DELE1: variants seen among roughly 807,000 people sequenced by gnomAD.
DELE1 encodes DAP3 binding cell death enhancer 1.
A neutral mutation model predicts 59.3 loss-of-function variants in DELE1; 54 were observed. That is an observed-to-expected ratio of 0.91 (90% CI 0.73 to 1.14). The LOEUF (loss-of-function observed/expected upper bound fraction) is 1.14. DELE1 is among the 50% of genes most tolerant of loss of function. The probability of loss-of-function intolerance (pLI) is 0.00; values close to 1 mark genes in which losing one functional copy is unlikely to be tolerated. For missense variants in DELE1, 636 were observed against 643.9 expected (o/e 0.99, Z 0.13); for synonymous variants, 264 against 259.1 (o/e 1.02, Z -0.18).
chr5:141,941,085 A>G lies in DELE1; in HGVS notation c.*2326A>G, dbSNP rs1386664526. On this transcript the variant is annotated 3_prime_UTR_variant, in exon 12 of 12. Coordinates refer to ENST00000432126, the MANE Select transcript of DELE1 (RefSeq NM_014773.5). ...GCCTTCCTGGGGCACCCTCTGCGTG[A>G]AATGTCACCGTGTGCCCTCCCTGTG... is the stretch of plus-strand genomic sequence containing the variant. 64 of 985,294 alleles carry G rather than the reference A, an allele frequency of 6.5e-5. No individual in the cohort carries two copies. The highest frequency in any genetic ancestry group is 7.3e-5 in the Non-Finnish European group (61 of 829,946). The allele number at this position is 985,294 out of a possible 1,614,324, so 61.0% of individuals were successfully genotyped here.
At position 141,929,973 on chromosome 5, in the gene DELE1, G is replaced by A. The variant is rs369742160; in HGVS notation, c.572-16G>A. 19 of 1,612,566 alleles carry A rather than the reference G, an allele frequency of 1.2e-5. No homozygotes were observed. In the South Asian group the frequency reaches 1.5e-4, roughly 13 times the overall value. On this transcript the variant is annotated splice_polypyrimidine_tract_variant and intron_variant, in intron 5 of 11. Transcript: ENST00000432126. Reference sequence around the variant, plus strand: ...TTCTCCTTTGCCCTGGCCGGGTGTCGGCCTTTCCCTTGCAGGTCCCGGTGA... The same window carrying A: ...TTCTCCTTTGCCCTGGCCGGGTGTCAGCCTTTCCCTTGCAGGTCCCGGTGA...
At chr5:141,932,318 T>C (rs1380208515) in intron 7 of DELE1, among the ~76,000 whole-genome samples, 1 of 152,236 alleles carries the variant, frequency 6.6e-6, no homozygotes, top group Non-Finnish European at 1.5e-5. Flanking sequence ...TGGATGTGCC[T>C]GCATTCAGGT....
chr5:141,930,850 G>A (rs764193332), intron 7 of DELE1, among the ~76,000 whole-genome samples: 46 of 152,108 alleles, frequency 3.0e-4, no homozygotes, highest in Non-Finnish European at 5.9e-4. Flanking sequence ...CTAATGCGGA[G>A]ACTCAGACTC....
Position 141,928,146 on chromosome 5 carries a change from C to T in DELE1, c.265-5C>T, listed in dbSNP as rs1302365835. The T allele has an allele frequency of 1.2e-6, 2 of 1,612,484 alleles. No individual in the cohort carries two copies. The highest frequency in any genetic ancestry group is 1.7e-6 in the Non-Finnish European group (2 of 1,179,092). On this transcript the variant is annotated splice_region_variant and splice_polypyrimidine_tract_variant and intron_variant, in intron 3 of 11. Coordinates refer to ENST00000432126, the MANE Select transcript of DELE1 (RefSeq NM_014773.5). ...ACCGTGTCCTTAACGTGCTGTCTTTCCCAGGGCACTCTGGCCGTGCTGGCC... is the reference window on the plus strand; with the variant it reads ...ACCGTGTCCTTAACGTGCTGTCTTTTCCAGGGCACTCTGGCCGTGCTGGCC...
rs186998921 is a variant in DELE1, at chr5:141,934,415, G to T, written c.1056+17G>T. ...TTGAGAGAGGTGAGTGCCATTGGCA[G>T]GGTCTGTTCAAGGTCTCTGAGGCCT... is the stretch of plus-strand genomic sequence containing the variant. On this transcript the variant is annotated intron_variant, in intron 9 of 11. Transcript: ENST00000432126. The T allele has an allele frequency of 9.2e-5, 148 of 1,614,218 alleles. 1 individual carries two copies. In the East Asian group the frequency reaches 1.7e-3, roughly 18 times the overall value.
chr5:141,934,162 A>G (rs937200221), intron 8 of DELE1, 78 bp from the exon 9 acceptor site: 2 of 1,270,848 alleles, frequency 1.6e-6, no homozygotes, highest in African/African-American at 3.0e-5. Context: ...TAATTAAAAT[A>G]ATTTTTAAAA....
chr5:141,934,116 A>T, intron 8 of DELE1, 124 bp from the exon 9 acceptor site: 1 of 766,470 alleles, frequency 1.3e-6, no homozygotes, highest in Non-Finnish European at 1.9e-6. Context: ...AGCTTATCTG[A>T]ATTTTCTGAC....
In DELE1 at chr5:141,940,241, T is replaced by A; in HGVS notation, c.*1482T>A. 1.0e-6 allele frequency: 1 copy of A among 985,340 alleles called. No individual in the cohort carries two copies. Among genetic ancestry groups the A allele is most frequent in the Non-Finnish European group, 1.2e-6 (1 of 829,926 alleles). The allele number at this position is 985,340 out of a possible 1,614,324, so 61.0% of individuals were successfully genotyped here. Reference sequence around the variant, plus strand: ...AGGCTCCGTCCTCATCTCTAAACTCTCCACTAACCAATTTAAAGGATCTTA... The same window carrying A: ...AGGCTCCGTCCTCATCTCTAAACTCACCACTAACCAATTTAAAGGATCTTA... On this transcript the variant is annotated 3_prime_UTR_variant, in exon 12 of 12. Coordinates refer to ENST00000432126, the MANE Select transcript of DELE1 (RefSeq NM_014773.5).
At chr5:141,924,386 C>T (rs1160457194) in intron 1 of DELE1, among the ~76,000 whole-genome samples, 195 bp from the exon 2 acceptor site, 1 of 152,170 alleles carries the variant, frequency 6.6e-6, no homozygotes, top group Non-Finnish European at 1.5e-5. Flanking sequence ...CCAGCAGAAT[C>T]ACATGGGCGC....
At position 141,930,012 on chromosome 5, in the gene DELE1, C is replaced by A; in HGVS notation, c.595C>A (p.His199Asn). The change falls in exon 6 of 12, where the codon CAT becomes AAT. Residue 199 changes from histidine (H) to asparagine (N), a missense_variant. By Grantham distance (68) the His-to-Asn change is moderately conservative. Transcript: ENST00000432126. ...EEGPGDFGFL[H>N]ASSSIESEAK... ...AGGTCCCGGTGATTTTGGCTTCCTG[C>A]ATGCCAGTAGTAGCATCGAGTCCGA... is the stretch of plus-strand genomic sequence containing the variant. 6.2e-7 allele frequency: 1 copy of A among 1,614,178 alleles called. No homozygotes were observed. Among genetic ancestry groups the A allele is most frequent in the Non-Finnish European group, 8.5e-7 (1 of 1,180,032 alleles).
In DELE1 at chr5:141,939,159, T is replaced by C. The variant is rs1752593908; in HGVS notation, c.*400T>C. ...TGCCAATGTCTGATGTGTGTATCCCTGGTTCACAAGAAGATTTTAGATGGT... is the reference window on the plus strand; with the variant it reads ...TGCCAATGTCTGATGTGTGTATCCCCGGTTCACAAGAAGATTTTAGATGGT... On this transcript the variant is annotated 3_prime_UTR_variant, in exon 12 of 12. Transcript: ENST00000432126. 4.2e-6 allele frequency: 4 copies of C among 962,468 alleles called. No individual in the cohort carries two copies. The South Asian group carries it at 1.9e-4, about 46-fold the overall frequency. The allele number at this position is 962,468 out of a possible 1,614,324, so 59.6% of individuals were successfully genotyped here. A position where few individuals can be genotyped will look rare whatever the true frequency, so the allele number is the denominator to read the frequency against.
intron 4 of DELE1, among the ~76,000 whole-genome samples, chr5:141,928,899 G>A (rs1188113239): frequency 6.6e-6 from 1 of 152,054 alleles, no homozygotes; most frequent in Non-Finnish European, 1.5e-5. Flanking sequence ...CATAGTAAGT[G>A]TGTAGTAATT....
rs781626134 is a variant in DELE1, at chr5:141,924,619, A to C, written c.70A>C (p.Thr24Pro). The change falls in exon 2 of 12, where the codon ACT becomes CCT. Residue 24 changes from threonine to proline, a missense_variant. By Grantham distance (38) the Thr-to-Pro change is conservative. Transcript: ENST00000432126. ...RTLGPSLWRVTPKSTSPDGPQ... is the reference protein window; with the variant it reads ...RTLGPSLWRVPPKSTSPDGPQ... ...ACTGGGACCTAGCCTCTGGAGGGTG[A>C]CTCCTAAGTCCACCAGCCCAGATGG... The C allele has an allele frequency of 6.2e-6, 10 of 1,613,338 alleles. No individual in the cohort carries two copies. Among genetic ancestry groups the C allele is most frequent in the Non-Finnish European group, 6.8e-6 (8 of 1,179,764 alleles).
rs976785245 is a variant in DELE1, at chr5:141,938,841, A to G, written c.*82A>G. ...GGATAACAAAAATAGAGCATCAGCA[A>G]CCCTTTCCAGGTAGAAATTCCAGCG... is the stretch of plus-strand genomic sequence containing the variant. On this transcript the variant is annotated 3_prime_UTR_variant, in exon 12 of 12. Transcript: ENST00000432126. 8.6e-6 allele frequency: 13 copies of G among 1,505,552 alleles called. No homozygotes were observed. Among genetic ancestry groups the G allele is most frequent in the Admixed American group, 2.2e-5 (1 of 46,430 alleles). The allele number at this position is 1,505,552 out of a possible 1,614,324, so 93.3% of individuals were successfully genotyped here.
In DELE1 at chr5:141,933,282, G is replaced by A. The variant is rs773728611; in HGVS notation, c.778G>A (p.Asp260Asn). 1.2e-5 allele frequency: 19 copies of A among 1,556,264 alleles called. No individual in the cohort carries two copies. The highest frequency in any genetic ancestry group is 1.6e-5 in the Non-Finnish European group (18 of 1,138,848). The change falls in exon 8 of 12, where the codon GAC becomes AAC. Residue 260 changes from aspartate (D) to asparagine (N), a missense_variant. Asp to Asn is a conservative substitution (Grantham distance 23). Coordinates refer to ENST00000432126, the MANE Select transcript of DELE1 (RefSeq NM_014773.5). ...AGGAACAGAGAACATGAAGAGTGGC[G>A]ACCACACGGCAGCCTTTTCTTACTT... ...FLGTENMKSG[D>N]HTAAFSYFQK...
rs2126871652 is a variant in DELE1, at chr5:141,928,295, T to G, written c.409T>G (p.Ser137Ala). ...FFSSPLWHPC[S>A]SLRQHILPSP... The stretch of plus-strand genomic sequence containing the variant: ...CTCATCTCCCTTGTGGCACCCATGC[T>G]CCTGTGAGTTCTCAGTCCTGGGGAC... Residue 137 changes from serine (S) to alanine (A), a missense_variant, in exon 4 of 12, where the codon TCC (serine) becomes GCC (alanine). Coordinates refer to ENST00000432126, the MANE Select transcript of DELE1 (RefSeq NM_014773.5). 6.2e-7 allele frequency: 1 copy of G among 1,613,952 alleles called. No individual in the cohort carries two copies. The highest frequency in any genetic ancestry group is 2.2e-5 in the East Asian group (1 of 44,884).
intron 11 of DELE1, 119 bp downstream of exon 11, chr5:141,937,476 A>G: frequency 8.0e-7 from 1 of 1,247,972 alleles, no homozygotes; most frequent in South Asian, 1.4e-5. Context: ...GGTGGCTAAG[A>G]ATGCAGCTTT....
intron 11 of DELE1, among the ~76,000 whole-genome samples, chr5:141,937,594 C>CCTCCTGGCT (rs1321934608): frequency 6.6e-6 from 1 of 150,818 alleles, no homozygotes; most frequent in Non-Finnish European, 1.5e-5. Flanking sequence ...CACGGTGAAA[C>CCTCCTGGCT]CCCGTCTCTA....
intron 7 of DELE1, among the ~76,000 whole-genome samples, chr5:141,931,626 A>G (rs1751920035): frequency 6.6e-6 from 1 of 152,186 alleles, no homozygotes; most frequent in South Asian, 2.1e-4. Context: ...CAAGAAGAGT[A>G]GATGGATCTG....
Sources: allele counts gnomAD v4.1 joint callset (sites outside exome capture counted in the v4.1 genomes callset), GRCh38; gene constraint gnomAD v4.1.1; transcripts MANE v1.5; gene names NCBI Gene and HGNC (gene_info 2026-07-23, HGNC 2026-07-21).